Variants in IL1RAPL1 observed in about 807,000 individuals in gnomAD.
The protein encoded by IL1RAPL1 is interleukin 1 receptor accessory protein like 1, also known as interleukin-1 receptor accessory protein-like 1.
IL1RAPL1 carries 3 observed loss-of-function variants against 48.4 expected under a neutral mutation model. That is an observed-to-expected ratio of 0.06 (90% CI 0.03 to 0.16). The LOEUF is 0.16. Ranked by LOEUF, IL1RAPL1 falls within the 10% of genes least tolerant of loss-of-function variation. IL1RAPL1 has a pLI of 1.00. For synonymous variants in IL1RAPL1, 185 were observed against 187.7 expected, an observed-to-expected ratio of 0.99 and a Z score of 0.12; for missense variants, 349 against 530.6, an observed-to-expected ratio of 0.66 and a Z score of 3.36.
chrX:29,212,082 C>T (rs67662401), intron 2 of IL1RAPL1, among the ~76,000 whole-genome samples: 7,013 of 111,245 alleles, frequency 0.063, 570 homozygotes, highest in African/African-American at 0.22. Context: ...CTCCTGTCCC[C>T]CCGCAAAGCC....
intron 6 of IL1RAPL1, among the ~76,000 whole-genome samples, chrX:29,761,476 C>G (rs2147145571): frequency 8.9e-6 from 1 of 111,875 alleles, no homozygotes; most frequent in South Asian, 3.7e-4. Flanking sequence ...TAAGATCAGC[C>G]TTGATCTGGC....
intron 5 of IL1RAPL1, among the ~76,000 whole-genome samples, chrX:29,405,886 A>T (rs1381182226): frequency 9.2e-6 from 1 of 108,957 alleles, no homozygotes; most frequent in Non-Finnish European, 1.9e-5. Context: ...TTCCGATTAT[A>T]CATATATTAT....
chrX:28,982,179 T>C (rs1925359407), intron 2 of IL1RAPL1, among the ~76,000 whole-genome samples: 1 of 112,059 alleles, frequency 8.9e-6, no homozygotes. Flanking sequence ...ACTTTCAGTG[T>C]AGGTGCTGTG....
intron 2 of IL1RAPL1, among the ~76,000 whole-genome samples, chrX:28,940,333 A>G (rs1436230542): frequency 4.5e-5 from 5 of 111,317 alleles, no homozygotes; most frequent in Non-Finnish European, 7.6e-5. Flanking sequence ...GAGCAAAAAT[A>G]TTGAGTAGCA....
At chrX:29,272,330 T>G (rs1932053274) in intron 2 of IL1RAPL1, among the ~76,000 whole-genome samples, 1 of 112,029 alleles carries the variant, frequency 8.9e-6, no homozygotes, top group African/African-American at 3.2e-5. Context: ...TTATTACTGG[T>G]TCAATTTCAG....
chrX:29,339,031 G>T (rs917541374), intron 3 of IL1RAPL1, among the ~76,000 whole-genome samples: 1 of 105,321 alleles, frequency 9.5e-6, no homozygotes, highest in Non-Finnish European at 1.9e-5. Context: ...CGAGCCGCAG[G>T]TACTGAGAAC....
chrX:28,907,502 A>G (rs891698166), intron 2 of IL1RAPL1, among the ~76,000 whole-genome samples: 1 of 112,263 alleles, frequency 8.9e-6, no homozygotes, highest in African/African-American at 3.2e-5. Flanking sequence ...TGATGCGTAC[A>G]CCTCAACCTC....
chrX:29,158,941 TCCCTCCCTCTCC>T (rs1929625630), intron 2 of IL1RAPL1, among the ~76,000 whole-genome samples: 2 of 33,334 alleles, frequency 6.0e-5, no homozygotes, highest in African/African-American at 1.4e-4. Context: ...TCCCCCCCCC[TCCCTCCCTCTCC>T]CTCTCTCTCT....
chrX:29,544,548 G>C (rs1429633124), intron 5 of IL1RAPL1, among the ~76,000 whole-genome samples: 3 of 111,798 alleles, frequency 2.7e-5, no homozygotes, highest in African/African-American at 9.8e-5. Flanking sequence ...AATTGACTTT[G>C]GACAATCACT....
intron 6 of IL1RAPL1, among the ~76,000 whole-genome samples, chrX:29,773,603 A>C (rs1234192098): frequency 8.9e-6 from 1 of 112,246 alleles, no homozygotes; most frequent in Non-Finnish European, 1.9e-5. Context: ...CCTTGTCATT[A>C]CCTTGGACAT....
intron 5 of IL1RAPL1, among the ~76,000 whole-genome samples, chrX:29,458,110 T>A (rs1475082714): frequency 8.9e-6 from 1 of 112,253 alleles, no homozygotes; most frequent in Non-Finnish European, 1.9e-5. Context: ...TGTCTGTTCA[T>A]GCCCTTTGTG....
chrX:28,651,878 A>G (rs1199605812), intron 1 of IL1RAPL1, among the ~76,000 whole-genome samples: 1 of 111,544 alleles, frequency 9.0e-6, no homozygotes, highest in Non-Finnish European at 1.9e-5. Context: ...GATGCCATCT[A>G]ATCTCTCCTA....
intron 2 of IL1RAPL1, among the ~76,000 whole-genome samples, chrX:28,797,080 T>C (rs1936621555): frequency 8.9e-6 from 1 of 112,306 alleles, no homozygotes; most frequent in Non-Finnish European, 1.9e-5. Flanking sequence ...TGTTGGTCCC[T>C]TTCAGCCACA....
chrX:28,915,093 T>C lies in IL1RAPL1; in HGVS notation c.82+125668T>C, dbSNP rs958961032. ...CTCAGATCTTCAGGCATTAGTTAGA[T>C]TCTCATAAGGAGCATGCAGCCTAGA... On this transcript the variant is annotated intron_variant, in intron 2 of 10. Transcript: ENST00000378993. Among the ~76,000 whole-genome samples, 7 of 111,597 alleles carry C rather than the reference T, an allele frequency of 6.3e-5. No homozygotes were observed. In the Admixed American group the frequency reaches 6.7e-4, roughly 11 times the overall value.
chrX:29,307,430 TAATA>T (rs1932641838), intron 3 of IL1RAPL1, among the ~76,000 whole-genome samples: 1 of 111,666 alleles, frequency 9.0e-6, no homozygotes, highest in African/African-American at 3.2e-5. Flanking sequence ...AAAAACAGCT[TAATA>T]AATTTAAATA....
chrX:29,229,729 A>G (rs1931156860), intron 2 of IL1RAPL1, among the ~76,000 whole-genome samples: 1 of 112,391 alleles, frequency 8.9e-6, no homozygotes, highest in Non-Finnish European at 1.9e-5. Context: ...CTCAGCACAA[A>G]ACAGCTCTGC....
At chrX:29,794,338 TA>T (rs981336947) in intron 6 of IL1RAPL1, among the ~76,000 whole-genome samples, 7 of 112,181 alleles carry the variant, frequency 6.2e-5, no homozygotes, top group African/African-American at 2.3e-4. Flanking sequence ...ATAGATGTTT[TA>T]AATGTTTTAA....
At chrX:29,879,778 T>A (rs1931989331) in intron 6 of IL1RAPL1, among the ~76,000 whole-genome samples, 1 of 111,377 alleles carries the variant, frequency 9.0e-6, no homozygotes, top group Non-Finnish European at 1.9e-5. Context: ...TATTACTGAT[T>A]ATTTTTATAC....
chrX:29,041,417 G>A (rs763177555), intron 2 of IL1RAPL1, among the ~76,000 whole-genome samples: 94 of 112,009 alleles, frequency 8.4e-4, no homozygotes, highest in Middle Eastern at 9.3e-3. Flanking sequence ...ACAGACTTGA[G>A]AAAGATATCC....
Sources: allele counts gnomAD v4.1 joint callset (sites outside exome capture counted in the v4.1 genomes callset), GRCh38; gene constraint gnomAD v4.1.1; transcripts MANE v1.5; gene names NCBI Gene and HGNC (gene_info 2026-07-23, HGNC 2026-07-21).